Variants in WDHD1 observed in about 807,000 individuals in gnomAD.
WDHD1 encodes WD repeat and HMG-box DNA-binding protein 1.
In WDHD1, 111 loss-of-function variants were observed where a neutral mutation model predicts 135.4. That is an observed-to-expected ratio of 0.82 (90% CI 0.70 to 0.96). The LOEUF (loss-of-function observed/expected upper bound fraction) is 0.96. Among genes scored for constraint, WDHD1 ranks in the 40% least tolerant of loss-of-function variants. WDHD1 has a pLI of 0.00. For missense variants in WDHD1, 1,351 were observed against 1,336.3 expected (o/e 1.01, Z -0.17); for synonymous variants, 434 against 439.0 (o/e 0.99, Z 0.14).
chr14:54,942,494 T>C (rs941328990), intron 25 of WDHD1, among the ~76,000 whole-genome samples: 3 of 152,144 alleles, frequency 2.0e-5, no homozygotes, highest in East Asian at 1.9e-4. Flanking sequence ...TTTACTTTTA[T>C]TGTGGGTTGG....
At chr14:54,950,541 A>T (rs1280351192) in intron 24 of WDHD1, among the ~76,000 whole-genome samples, 3 of 152,134 alleles carry the variant, frequency 2.0e-5, no homozygotes, top group Non-Finnish European at 2.9e-5. Context: ...CTCCCACGCA[A>T]TAATAATGGG....
intron 12 of WDHD1, among the ~76,000 whole-genome samples, chr14:54,990,823 A>G (rs1231869824): frequency 6.6e-6 from 1 of 152,148 alleles, no homozygotes; most frequent in Non-Finnish European, 1.5e-5. Context: ...GCCACCTTCT[A>G]ATATATTATA....
Position 54,974,487 on chromosome 14 carries a change from T to C in WDHD1, c.2063+7053A>G, listed in dbSNP as rs531476219. 2.6e-3 allele frequency among the ~76,000 whole-genome samples: 316 copies of C among 119,878 alleles called. 2 individuals are homozygous for C. Among genetic ancestry groups the C allele is most frequent in the African/African-American group, 0.012 (299 of 25,504 alleles). The allele number at this position is 119,878 out of a possible 152,430, so 78.6% of individuals were successfully genotyped here. A position where few individuals can be genotyped will look rare whatever the true frequency, so the allele number is the denominator to read the frequency against. On this transcript the variant is annotated intron_variant, in intron 16 of 25. Coordinates refer to ENST00000360586, the MANE Select transcript of WDHD1 (RefSeq NM_007086.4). ...TTCAAATTGACCACAAAACCTGTTT[T>C]GTTTTGTTTTTTTTTTTTTTGTTAT...
chr14:54,990,595 CAAA>C (rs576507654), intron 12 of WDHD1, among the ~76,000 whole-genome samples: 7 of 85,980 alleles, frequency 8.1e-5, no homozygotes, highest in Admixed American at 1.3e-4. Flanking sequence ...GACTCCATCT[CAAA>C]AAAAAAAAAA....
intron 8 of WDHD1, 25 bp downstream of exon 8, chr14:55,002,068 G>A (rs1042773403): frequency 1.3e-6 from 2 of 1,534,098 alleles, no homozygotes; most frequent in Non-Finnish European, 1.8e-6. Context: ...ATAGCCCACT[G>A]AAAGTGTCAC....
chr14:55,019,056 T>C lies in WDHD1; in HGVS notation c.78-5460A>G, dbSNP rs1466529773. On this transcript the variant is annotated intron_variant, in intron 2 of 25. Transcript: ENST00000360586. ...TAAAAAAAAGAAAAGAATTGAAGAT[T>C]TAACTTCAAATTTATTCAGCATAAA... Among the ~76,000 whole-genome samples the C allele has an allele frequency of 4.6e-5, 7 of 152,216 alleles. No homozygotes were observed. The South Asian group carries it at 1.4e-3, about 32-fold the overall frequency.
chr14:54,979,326 A>T (rs1335405405), intron 16 of WDHD1, among the ~76,000 whole-genome samples: 3 of 152,042 alleles, frequency 2.0e-5, no homozygotes, highest in Non-Finnish European at 4.4e-5. Flanking sequence ...TAATTAAAAA[A>T]ATTTTTTTTT....
At chr14:54,968,602 C>T (rs1431035859) in intron 16 of WDHD1, among the ~76,000 whole-genome samples, 3 of 151,916 alleles carry the variant, frequency 2.0e-5, no homozygotes, top group South Asian at 2.1e-4. Context: ...TAAACAAGAT[C>T]GATAAACTCC....
intron 7 of WDHD1, 37 bp downstream of exon 7, chr14:55,007,243 A>AAAG: frequency 6.7e-7 from 1 of 1,490,650 alleles, no homozygotes; most frequent in South Asian, 1.2e-5. Context: ...AAAAAAAAAA[A>AAAG]AAAAAAGAAA....
In WDHD1 at chr14:55,010,435, G is replaced by T; in HGVS notation, c.215C>A (p.Ser72Tyr). ...TGTGTGGACTTGAATAGTATTATTA[G>T]AAACTGCAGTGACCAGTTTTCCACT... ...LKSGKLVTAV[S>Y]NNTIQVHTFP... Residue 72 changes from serine (S) to tyrosine (Y), a missense_variant, in exon 4 of 26, where the codon TCT becomes TAT. Transcript: ENST00000360586. 13 of 1,599,042 alleles carry T rather than the reference G, an allele frequency of 8.1e-6. No homozygotes were observed. The highest frequency in any genetic ancestry group is 1.1e-5 in the Non-Finnish European group (13 of 1,174,706).
chr14:54,985,980 A>G (rs1185678092), intron 14 of WDHD1, among the ~76,000 whole-genome samples: 1 of 152,216 alleles, frequency 6.6e-6, no homozygotes, highest in East Asian at 1.9e-4. Context: ...TGAGCAAATT[A>G]AGTCTGAAAT....
intron 15 of WDHD1, among the ~76,000 whole-genome samples, chr14:54,982,263 C>T (rs1022222928): frequency 3.9e-5 from 6 of 152,088 alleles, no homozygotes; most frequent in African/African-American, 9.7e-5. Flanking sequence ...CCCGCCTCAG[C>T]CTCCCAAAGT....
intron 5 of WDHD1, 111 bp from the exon 6 acceptor site, chr14:55,008,477 G>T: frequency 6.9e-7 from 1 of 1,448,764 alleles, no homozygotes. Flanking sequence ...GAAATTTCCT[G>T]CTAACTCTCT....
rs1209193137 is a variant in WDHD1 at position 55,026,781 on chromosome 14, C to T, written c.7G>A (p.Ala3Thr). 6.2e-7 allele frequency: 1 copy of T among 1,614,054 alleles called. No homozygotes were observed. The highest frequency in any genetic ancestry group is 1.7e-5 in the Admixed American group (1 of 60,006). MP[A>T]TRKPMRYGHT... is the part of the protein sequence containing the mutation. ...CCATATCTCATTGGCTTCCGTGTGG[C>T]AGGCATGTTTTCCTTTACCTATCTG... Residue 3 changes from alanine (A) to threonine (T), a missense_variant, in exon 2 of 26, where the codon GCC becomes ACC. Ala to Thr is a moderately conservative substitution (Grantham distance 58, BLOSUM62 0). Around this residue, in one of 2 missense-constraint regions of WDHD1, gnomAD observed 21 missense variants for 40.2 expected, o/e 0.52. Coordinates refer to ENST00000360586, the MANE Select transcript of WDHD1 (RefSeq NM_007086.4).
Position 54,948,594 on chromosome 14 carries a change from G to C in WDHD1, c.3051-4124C>G, listed in dbSNP as rs549964230. Among the ~76,000 whole-genome samples, 14 of 152,316 alleles carry C rather than the reference G, an allele frequency of 9.2e-5. No individual in the cohort carries two copies. In the South Asian group the frequency reaches 2.7e-3, roughly 29 times the overall value. The stretch of plus-strand genomic sequence containing the variant: ...TGGGGGCAGGGCATAGCCGAACAAA[G>C]GCAGCAGAAACCTCTACAGATTTAA... On this transcript the variant is annotated intron_variant, in intron 24 of 25. Transcript: ENST00000360586.
At position 54,995,764 on chromosome 14, in the gene WDHD1, T is replaced by A; in HGVS notation, c.992A>T (p.Asp331Val). 3 of 1,612,478 alleles carry A rather than the reference T, an allele frequency of 1.9e-6. No individual in the cohort carries two copies. The highest frequency in any genetic ancestry group is 1.7e-6 in the Non-Finnish European group (2 of 1,179,338). Residue 331 changes from aspartate to valine, a missense_variant, in exon 11 of 26, where the codon GAT (aspartate) becomes GTT (valine). By Grantham distance (152) the Asp-to-Val change is radical. This residue lies in a region of WDHD1 where 1,330 missense variants were observed against 1,296.1 expected (regional missense o/e 1.03). Transcript: ENST00000360586. The part of the protein sequence containing the change: ...KDYNDLFDGD[D>V]MSNAGDFLND... ...TAGAAAATCACCAGCATTACTCATA[T>A]CATCTCCATCAAAAAGATCATTATA...
At chr14:54,974,339 C>T (rs943584432) in intron 16 of WDHD1, among the ~76,000 whole-genome samples, 10 of 151,322 alleles carry the variant, frequency 6.6e-5, no homozygotes, top group South Asian at 4.2e-4. Context: ...AGGCGGAGGA[C>T]GGAGGATCGC....
rs576733735 is a variant in WDHD1, at chr14:55,003,714, C to T, written c.601-1529G>A. Among the ~76,000 whole-genome samples, 3 of 151,018 alleles carry T rather than the reference C, an allele frequency of 2.0e-5. No homozygotes were observed. The South Asian group carries it at 6.3e-4, about 32-fold the overall frequency. ...GAGCAGCTGGGACTACAGGCGCACA[C>T]CACCACGCCTGGCTAATTTTTGTAT... On this transcript the variant is annotated intron_variant, in intron 7 of 25. Transcript: ENST00000360586.
In WDHD1 at chr14:55,010,375, C is replaced by T. The variant is rs775370465; in HGVS notation, c.275G>A (p.Arg92His). 61 of 1,613,262 alleles carry T rather than the reference C, an allele frequency of 3.8e-5. No individual in the cohort carries two copies. The highest frequency in any genetic ancestry group is 6.6e-5 in the South Asian group (6 of 90,948). ...PEGVPDGILT[R>H]FTTNANHVVF... ...CACATGGTTTGCATTTGTAGTGAAG[C>T]GAGTCAATATACCATCTGGAACTCC... Residue 92 changes from arginine to histidine, a missense_variant, in exon 4 of 26, where the codon CGC (arginine) becomes CAC (histidine). By Grantham distance (29) the Arg-to-His change is conservative. Around this residue, in one of 2 missense-constraint regions of WDHD1, gnomAD observed 1,330 missense variants for 1,296.1 expected, o/e 1.03. Transcript: ENST00000360586.
Sources: gnomAD v4.1 joint callset for allele counts (sites outside exome capture counted in the v4.1 genomes callset) on GRCh38, gnomAD v4.1.1 for gene constraint, gnomAD v4.1.1 regional missense constraint, MANE v1.5 for transcripts, NCBI Gene and HGNC (gene_info 2026-07-23, HGNC 2026-07-21) for gene names.